The following SSBP3 variants were observed in gnomAD, a reference collection of about 807,000 sequenced individuals.
The protein encoded by SSBP3 is single stranded DNA binding protein 3, also known as single-stranded DNA-binding protein 3.
A neutral mutation model predicts 69.6 loss-of-function variants in SSBP3; 5 were observed. The ratio of observed to expected loss-of-function variants is 0.07; its 90% CI spans 0.04 to 0.15. SSBP3 has a LOEUF of 0.15. Among genes scored for constraint, SSBP3 ranks in the 10% least tolerant of loss-of-function variants. The pLI is 1.00. For synonymous variants in SSBP3, 196 were observed against 193.4 expected (o/e 1.01, Z -0.11); for missense variants, 312 against 534.0 (o/e 0.58, Z 4.10).
chr1:54,406,543 C>CAGTCCCCGCTGCGGCCGCCTCCGCGGA (rs1296686373), upstream of SSBP3: 2 of 151,990 alleles, frequency 1.3e-5, no homozygotes, highest in Non-Finnish European at 2.9e-5. Context: ...CCGGCCGCGG[C>CAGTCCCCGCTGCGGCCGCCTCCGCGGA]AGTCCCCGCT....
chr1:54,323,928 G>A (rs1306957134), intron 4 of SSBP3, among the ~76,000 whole-genome samples: 2 of 152,172 alleles, frequency 1.3e-5, no homozygotes, highest in African/African-American at 4.8e-5. Context: ...TGTCCCCCCA[G>A]AGAAGATTAA....
chr1:54,230,877 G>A (rs911606363), intron 14 of SSBP3, among the ~76,000 whole-genome samples: 10 of 152,158 alleles, frequency 6.6e-5, no homozygotes, highest in African/African-American at 1.2e-4. Context: ...GTAGTCCACC[G>A]TATGGATATA....
At chr1:54,372,625 A>G (rs1647153469) in intron 4 of SSBP3, among the ~76,000 whole-genome samples, 1 of 150,312 alleles carries the variant, frequency 6.7e-6, no homozygotes, top group African/African-American at 2.5e-5. Flanking sequence ...GGCAGGATCT[A>G]GGCTACACTC....
intron 4 of SSBP3, among the ~76,000 whole-genome samples, chr1:54,317,078 T>G (rs1168724382): frequency 6.6e-6 from 1 of 152,082 alleles, no homozygotes; most frequent in Admixed American, 6.5e-5. Context: ...AGTATTCAGA[T>G]CACAGCAAAA....
intron 4 of SSBP3, among the ~76,000 whole-genome samples, chr1:54,282,550 TC>T (rs934922863): frequency 6.6e-6 from 1 of 152,216 alleles, no homozygotes; most frequent in African/African-American, 2.4e-5. Flanking sequence ...GACATTGCTC[TC>T]CCCAGCCTGG....
At chr1:54,339,081 C>T (rs567374658) in intron 4 of SSBP3, among the ~76,000 whole-genome samples, 77 of 152,184 alleles carry the variant, frequency 5.1e-4, no homozygotes, top group African/African-American at 1.8e-3. Flanking sequence ...ATTAAGACAA[C>T]ATGGTTCAAT....
intron 13 of SSBP3, among the ~76,000 whole-genome samples, chr1:54,240,082 G>GCA (rs1644588603): frequency 8.1e-5 from 1 of 12,398 alleles, no homozygotes. Context: ...GTGTGTGTGT[G>GCA]TGTGTGCGCG....
chr1:54,253,192 G>T (rs686611), intron 7 of SSBP3, among the ~76,000 whole-genome samples: 81,953 of 131,834 alleles, frequency 0.62, 25,430 homozygotes, highest in South Asian at 0.75. Context: ...TTTAGTTTTT[G>T]TTTTTTTTTT....
intron 4 of SSBP3, among the ~76,000 whole-genome samples, chr1:54,315,546 AC>A (rs1436793095): frequency 6.6e-6 from 1 of 151,614 alleles, no homozygotes; most frequent in African/African-American, 2.4e-5. Flanking sequence ...CAGTTAGAGT[AC>A]CCATTTATCT....
chr1:54,233,536 TG>T (rs1189522307), intron 14 of SSBP3, among the ~76,000 whole-genome samples: 30 of 103,328 alleles, frequency 2.9e-4, no homozygotes, highest in Middle Eastern at 8.3e-3. Context: ...GGGAGGGAGG[TG>T]GGGGGGGTAA....
At chr1:54,234,921 C>T (rs1444311147) in intron 14 of SSBP3, among the ~76,000 whole-genome samples, 2 of 152,226 alleles carry the variant, frequency 1.3e-5, no homozygotes, top group African/African-American at 4.8e-5. Flanking sequence ...ACCACTGTAC[C>T]CAGCTTAGAA....
exon 13 of SSBP3, chr1:54,240,907 G>A: frequency 5.0e-6 from 8 of 1,612,568 alleles, no homozygotes; most frequent in South Asian, 1.1e-5. Context: ...GCTCTTACCT[G>A]CGGGACTGGG....
intron 5 of SSBP3, among the ~76,000 whole-genome samples, chr1:54,269,942 G>A (rs76356917): frequency 0.04 from 6,150 of 152,310 alleles, 453 homozygotes; most frequent in African/African-American, 0.14. Flanking sequence ...CCCTGTGGAC[G>A]ATGATTGTGT....
intron 4 of SSBP3, among the ~76,000 whole-genome samples, chr1:54,373,251 C>A (rs151086763): frequency 1.1e-4 from 17 of 152,166 alleles, no homozygotes; most frequent in African/African-American, 4.1e-4. Context: ...CCACCACTGA[C>A]GGCTGAAGGG....
At chr1:54,301,581 C>T (rs144914859) in intron 4 of SSBP3, among the ~76,000 whole-genome samples, 2 of 152,322 alleles carry the variant, frequency 1.3e-5, no homozygotes, top group South Asian at 2.1e-4. Flanking sequence ...GGGACCCTCG[C>T]GGCTCCTAAG....
chr1:54,297,074 G>A (rs1197175950), intron 4 of SSBP3, among the ~76,000 whole-genome samples: 6 of 152,198 alleles, frequency 3.9e-5, no homozygotes, highest in Non-Finnish European at 8.8e-5. Context: ...ACAGTTAATG[G>A]ATGCTGGGAT....
chr1:54,303,427 A>G (rs1171271892), intron 4 of SSBP3, among the ~76,000 whole-genome samples: 1 of 152,104 alleles, frequency 6.6e-6, no homozygotes, highest in Admixed American at 6.5e-5. Flanking sequence ...CTGGCTCATT[A>G]CTTCAATGTA....
At chr1:54,269,794 TG>T (rs1008094032) in intron 5 of SSBP3, among the ~76,000 whole-genome samples, 1 of 152,042 alleles carries the variant, frequency 6.6e-6, no homozygotes, top group African/African-American at 2.4e-5. Flanking sequence ...GGTCCAACAG[TG>T]GGGTGAGGGT....
intron 2 of SSBP3, 91 bp downstream of exon 2, chr1:54,404,748 ATAAAAATTCAAAATGGTGG>A: frequency 7.4e-7 from 1 of 1,354,382 alleles, no homozygotes; most frequent in Non-Finnish European, 1.0e-6. Flanking sequence ...CCAAAAGGTG[ATAAAAATTCAAAATGGTGG>A]CCACAGTGGC....
Sources: gnomAD v4.1 joint callset for allele counts (sites outside exome capture counted in the v4.1 genomes callset) on GRCh38, gnomAD v4.1.1 for gene constraint, MANE v1.5 for transcripts, NCBI Gene and HGNC (gene_info 2026-07-23, HGNC 2026-07-21) for gene names.